The following DOCK4 variants were observed in gnomAD, a reference collection of about 807,000 sequenced individuals.
DOCK4 encodes the protein dedicator of cytokinesis protein 4.
In DOCK4, 97 loss-of-function variants were observed where a neutral mutation model predicts 268.1. The observed-to-expected ratio is 0.36, with a 90% CI of 0.31 to 0.43. DOCK4 has a LOEUF of 0.43. DOCK4 is among the 20% of genes least tolerant of loss of function. DOCK4 has a pLI of 1.00. For missense variants in DOCK4, 2,145 were observed against 2,455.7 expected (o/e 0.87, Z 2.67); for synonymous variants, 954 against 887.2 (o/e 1.08, Z -1.34).
intron 44 of DOCK4, among the ~76,000 whole-genome samples, chr7:111,745,798 T>C (rs541488591): frequency 5.9e-4 from 88 of 150,258 alleles, no homozygotes; most frequent in Admixed American, 4.5e-3. Flanking sequence ...GTTTCACAGG[T>C]TGAACATCCC....
At chr7:112,018,202 T>G (rs1455220107) in intron 1 of DOCK4, among the ~76,000 whole-genome samples, 1 of 141,622 alleles carries the variant, frequency 7.1e-6, no homozygotes, top group African/African-American at 2.6e-5. Flanking sequence ...AGTATTCATG[T>G]GGCTTATGTT....
chr7:111,843,062 A>G (rs1803820966), intron 25 of DOCK4, among the ~76,000 whole-genome samples: 1 of 152,238 alleles, frequency 6.6e-6, no homozygotes, highest in South Asian at 2.1e-4. Context: ...GAAAAAGACA[A>G]TCAATAGATG....
chr7:111,843,633 A>G (rs1803864729), intron 25 of DOCK4, among the ~76,000 whole-genome samples: 1 of 152,226 alleles, frequency 6.6e-6, no homozygotes. Flanking sequence ...TAGTAGAGCT[A>G]CTATTTTCCA....
chr7:111,922,572 T>C (rs1479396911), intron 12 of DOCK4, among the ~76,000 whole-genome samples: 3 of 152,028 alleles, frequency 2.0e-5, no homozygotes, highest in Non-Finnish European at 4.4e-5. Flanking sequence ...CTTACATTTC[T>C]TTCCTTCTGG....
At chr7:111,908,499 CT>C (rs1791805880) in intron 13 of DOCK4, among the ~76,000 whole-genome samples, 1 of 138,422 alleles carries the variant, frequency 7.2e-6, no homozygotes, top group African/African-American at 3.0e-5. Flanking sequence ...GCTTACTTCT[CT>C]TTTTGTCAAA....
chr7:112,106,020 A>G (rs1298187300), intron 1 of DOCK4, among the ~76,000 whole-genome samples: 8 of 152,142 alleles, frequency 5.3e-5, no homozygotes, highest in African/African-American at 1.9e-4. Flanking sequence ...AAGGAATGGG[A>G]AGGCATGTAA....
At chr7:111,758,888 T>C (rs1452100082) in intron 40 of DOCK4, 98 bp from the exon 41 acceptor site, 1 of 1,106,028 alleles carries the variant, frequency 9.0e-7, no homozygotes, top group African/African-American at 1.6e-5. Context: ...TGGGTAACAA[T>C]CTTCTGTTTC....
intron 8 of DOCK4, among the ~76,000 whole-genome samples, chr7:111,976,179 C>CAT (rs1174336599): frequency 2.4e-5 from 1 of 41,984 alleles, no homozygotes. Flanking sequence ...TATATATATA[C>CAT]ACACACACAC....
intron 1 of DOCK4, among the ~76,000 whole-genome samples, chr7:112,171,968 T>A (rs1818123523): frequency 6.6e-6 from 1 of 152,184 alleles, no homozygotes; most frequent in African/African-American, 2.4e-5. Flanking sequence ...TGCACACGCA[T>A]CCCTGGTGTC....
chr7:111,884,331 G>C (rs960683366), intron 16 of DOCK4, among the ~76,000 whole-genome samples: 2 of 152,052 alleles, frequency 1.3e-5, no homozygotes, highest in African/African-American at 4.8e-5. Flanking sequence ...ATATTGTAAC[G>C]TAAGGAGCTT....
intron 39 of DOCK4, among the ~76,000 whole-genome samples, chr7:111,760,971 T>A (rs1797365177): frequency 6.6e-6 from 1 of 152,090 alleles, no homozygotes. Flanking sequence ...TGAAGCACAC[T>A]GCATGTCTTA....
chr7:111,800,801 C>T (rs1180698886), intron 30 of DOCK4, among the ~76,000 whole-genome samples: 8 of 152,132 alleles, frequency 5.3e-5, no homozygotes, highest in Non-Finnish European at 8.8e-5. Context: ...TTCCCCCACA[C>T]GACACCCCTT....
intron 13 of DOCK4, among the ~76,000 whole-genome samples, chr7:111,911,809 T>G (rs1006526514): frequency 6.9e-6 from 1 of 145,694 alleles, no homozygotes; most frequent in Non-Finnish European, 1.5e-5. Flanking sequence ...CTCTAAAATG[T>G]TTTTTTTTTT....
At chr7:112,112,304 A>G (rs766645429) in intron 1 of DOCK4, among the ~76,000 whole-genome samples, 1 of 152,008 alleles carries the variant, frequency 6.6e-6, no homozygotes, top group African/African-American at 2.4e-5. Context: ...CTCCCTCTTC[A>G]CCTTCCGCCA....
chr7:111,893,035 G>A (rs1302716723), intron 16 of DOCK4, among the ~76,000 whole-genome samples: 1 of 152,134 alleles, frequency 6.6e-6, no homozygotes, highest in African/African-American at 2.4e-5. Context: ...TCTTGTGGTT[G>A]AGGTCACAAT....
chr7:112,076,701 T>C (rs1239715289), intron 1 of DOCK4, among the ~76,000 whole-genome samples: 1 of 152,184 alleles, frequency 6.6e-6, no homozygotes, highest in Admixed American at 6.5e-5. Flanking sequence ...TTCAGGGTTT[T>C]ATGAAACAAA....
Position 111,739,187 on chromosome 7 carries a change from G to T in DOCK4, c.5179C>A (p.Pro1727Thr), listed in dbSNP as rs1795716545. 1 of 1,614,018 alleles carries T rather than the reference G, an allele frequency of 6.2e-7. No homozygotes were observed. Among genetic ancestry groups the T allele is most frequent in the Non-Finnish European group, 8.5e-7 (1 of 1,179,874 alleles). ...ATGGCACTGCATGGTCTCTCTCTTG[G>T]TGACAGGCAAGAGTTTTCTCGGGAA... ...KHSRENSCLS[P>T]RERPCSAIYP... is the part of the protein sequence containing the mutation. Residue 1727 changes from proline (P) to threonine (T), a missense_variant, in exon 49 of 53, where the codon CCA (proline) becomes ACA (threonine). Physicochemically the swap from Pro to Thr is conservative, Grantham distance 38. Coordinates refer to ENST00000428084, the MANE Select transcript of DOCK4 (RefSeq NM_001363540.2).
intron 12 of DOCK4, among the ~76,000 whole-genome samples, chr7:111,934,592 C>T (rs1363307397): frequency 2.1e-5 from 3 of 145,078 alleles, no homozygotes; most frequent in East Asian, 4.1e-4. Context: ...TGCAGTGGCG[C>T]GACCTTGGCT....
chr7:111,804,368 G>A (rs1252605030), intron 30 of DOCK4, among the ~76,000 whole-genome samples: 1 of 152,178 alleles, frequency 6.6e-6, no homozygotes. Flanking sequence ...CCACTTACGT[G>A]AGGTACCTAG....
Sources: gnomAD v4.1 joint callset for allele counts (sites outside exome capture counted in the v4.1 genomes callset) on GRCh38, gnomAD v4.1.1 for gene constraint, MANE v1.5 for transcripts, NCBI Gene and HGNC (gene_info 2026-07-23, HGNC 2026-07-21) for gene names.